NPIPA1: variants seen among roughly 807,000 people sequenced by gnomAD.
NPIPA1 encodes nuclear pore complex interacting protein family member A1.
For missense variants in NPIPA1, 22 were observed against 232.2 expected, an observed-to-expected ratio of 0.09 and a Z score of 5.88; for synonymous variants, 7 against 88.0, an observed-to-expected ratio of 0.08 and a Z score of 5.15.
intron 1 of NPIPA1, among the ~76,000 whole-genome samples, chr16:14,940,821 C>G (rs2151076074): frequency 1.8e-5 from 2 of 112,980 alleles, no homozygotes; most frequent in East Asian, 3.4e-4. Context: ...AATTTGTAAA[C>G]TTTCTTAAAA....
intron 1 of NPIPA1, among the ~76,000 whole-genome samples, chr16:14,940,304 A>G (rs1965717877): frequency 6.8e-6 from 1 of 147,330 alleles, no homozygotes; most frequent in Non-Finnish European, 1.5e-5. Flanking sequence ...AATGACAAAG[A>G]TTCATATAAT....
In NPIPA1 at chr16:14,948,273, T is replaced by C. The variant is rs1262950847; in HGVS notation, c.438-657T>C. ...TGTCACCTATTTTCAGGACATAACATCCTGACTTAGGAGCCATTCCGATCA... is the reference window on the plus strand; with the variant it reads ...TGTCACCTATTTTCAGGACATAACACCCTGACTTAGGAGCCATTCCGATCA... On this transcript the variant is annotated intron_variant, in intron 4 of 7. Coordinates refer to ENST00000328085, the MANE Select transcript of NPIPA1 (RefSeq NM_006985.4). 3.9e-5 allele frequency among the ~76,000 whole-genome samples: 6 copies of C among 152,346 alleles called. 1 individual carries two copies. In the East Asian group the frequency reaches 5.8e-4, roughly 15 times the overall value.
chr16:14,940,321 G>C (rs923060477), intron 1 of NPIPA1, among the ~76,000 whole-genome samples: 1 of 150,610 alleles, frequency 6.6e-6, no homozygotes, highest in African/African-American at 2.4e-5. Flanking sequence ...TAATCCAAGA[G>C]AGAAGTATTA....
At chr16:14,946,429 C>T (rs1307860762) in intron 4 of NPIPA1, among the ~76,000 whole-genome samples, 2,207 of 138,886 alleles carry the variant, frequency 0.016, 7 homozygotes, top group East Asian at 0.068. Context: ...ACCATGTTGT[C>T]CAGACTGGTC....
intron 7 of NPIPA1, chr16:14,950,601 T>G (rs1965989441): frequency 6.6e-7 from 1 of 1,517,158 alleles, no homozygotes; most frequent in Admixed American, 2.1e-5. Context: ...AGCTGGTTCT[T>G]GTGTGGCCTC....
At chr16:14,947,730 C>T (rs1434207483) in intron 4 of NPIPA1, among the ~76,000 whole-genome samples, 1 of 152,242 alleles carries the variant, frequency 6.6e-6, no homozygotes, top group Admixed American at 6.5e-5. Flanking sequence ...CCATTGTTCT[C>T]ATCTGAGATC....
chr16:14,944,323 T>A (rs1307106774), intron 2 of NPIPA1, among the ~76,000 whole-genome samples: 7 of 152,220 alleles, frequency 4.6e-5, no homozygotes, highest in Admixed American at 1.3e-4. Context: ...TTAGTGAGAA[T>A]GTTTTGCATT....
chr16:14,940,133 G>A (rs1739302399), intron 1 of NPIPA1, among the ~76,000 whole-genome samples: 1 of 111,064 alleles, frequency 9.0e-6, no homozygotes, highest in Non-Finnish European at 1.8e-5. Context: ...TGATCTCGCG[G>A]TCCACCCACC....
intron 2 of NPIPA1, among the ~76,000 whole-genome samples, chr16:14,943,571 A>G (rs1965805385): frequency 1.3e-5 from 2 of 148,996 alleles, no homozygotes; most frequent in African/African-American, 4.9e-5. Flanking sequence ...CTAGTCATCT[A>G]TACCATTACC....
At chr16:14,942,864 G>C (rs1418554068) in intron 2 of NPIPA1, among the ~76,000 whole-genome samples, 1 of 152,264 alleles carries the variant, frequency 6.6e-6, no homozygotes, top group Non-Finnish European at 1.5e-5. Flanking sequence ...ATTTTGTCTT[G>C]CCATTCATGA....
intron 2 of NPIPA1, among the ~76,000 whole-genome samples, chr16:14,942,877 G>A (rs1370604976): frequency 3.9e-5 from 6 of 152,242 alleles, no homozygotes; most frequent in Admixed American, 1.3e-4. Context: ...ATTCATGACA[G>A]TAAAAATGTG....
At chr16:14,945,271 A>T (rs1471638199) in intron 2 of NPIPA1, among the ~76,000 whole-genome samples, 4 of 88,790 alleles carry the variant, frequency 4.5e-5, no homozygotes, top group African/African-American at 7.3e-5. Flanking sequence ...TGTGTGTGAG[A>T]CAGAGTCTCA....
chr16:14,951,966 C>G lies in NPIPA1; in HGVS notation c.994C>G (p.Pro332Ala), dbSNP rs1271408403. 1.2e-6 allele frequency: 2 copies of G among 1,604,972 alleles called. No individual in the cohort carries two copies. Among genetic ancestry groups the G allele is most frequent in the East Asian group, 2.3e-5 (1 of 44,306 alleles). The stretch of plus-strand genomic sequence containing the variant: ...AGTGGATGATAATCTCAAGACACCT[C>G]CCGAGTGTGTCTGCTCACTCCCCTT... ...PSVDDNLKTP[P>A]ECVCSLPFHP... is the part of the protein sequence containing the mutation. Residue 332 changes from proline to alanine, a missense_variant, in exon 8 of 8, where the codon CCC becomes GCC. Coordinates refer to ENST00000328085, the MANE Select transcript of NPIPA1 (RefSeq NM_006985.4).
chr16:14,942,876 A>G (rs1254460475), intron 2 of NPIPA1, among the ~76,000 whole-genome samples: 1 of 152,282 alleles, frequency 6.6e-6, no homozygotes, highest in Non-Finnish European at 1.5e-5. Context: ...CATTCATGAC[A>G]GTAAAAATGT....
intron 2 of NPIPA1, among the ~76,000 whole-genome samples, chr16:14,942,728 T>A (rs1965780293): frequency 6.6e-6 from 1 of 152,244 alleles, no homozygotes; most frequent in Admixed American, 6.5e-5. Flanking sequence ...TCAAAGTGCA[T>A]GTTCCCACTT....
In NPIPA1 at chr16:14,939,926, C is replaced by CG. The variant is rs1285601687; in HGVS notation, c.64-1885dup. The stretch of plus-strand genomic sequence containing the variant: ...TTTTTTTTTTTTTGAGACAGAGTCT[C>CG]GCTCTGTCACCCAGGCTGAAGTGCA... On this transcript the variant is annotated intron_variant, in intron 1 of 7. Transcript: ENST00000328085. Among the ~76,000 whole-genome samples, 29 of 35,138 alleles carry CG rather than the reference C, an allele frequency of 8.3e-4. 1 individual carries two copies. The highest frequency in any genetic ancestry group is 1.8e-3 in the African/African-American group (29 of 16,390). The allele number at this position is 35,138 out of a possible 152,430, so 23.1% of individuals were successfully genotyped here.
chr16:14,945,227 G>GTTTTGTGTGTGTGT (rs748459839), intron 2 of NPIPA1, among the ~76,000 whole-genome samples: 3 of 137,812 alleles, frequency 2.2e-5, no homozygotes, highest in African/African-American at 8.3e-5. Flanking sequence ...ATTCTTGTGT[G>GTTTTGTGTGTGTGT]GTGTGTGTGT....
At chr16:14,943,111 G>A (rs1202644499) in intron 2 of NPIPA1, among the ~76,000 whole-genome samples, 9 of 150,862 alleles carry the variant, frequency 6.0e-5, no homozygotes, top group Non-Finnish European at 1.3e-4. Flanking sequence ...ACTTAGTCCT[G>A]AACAGAGAAT....
intron 1 of NPIPA1, among the ~76,000 whole-genome samples, chr16:14,938,825 G>A (rs1175569887): frequency 5.3e-5 from 8 of 151,432 alleles, no homozygotes; most frequent in East Asian, 2.0e-4. Context: ...TGCAACCTCC[G>A]CTTCCGGGGT....
Sources: gnomAD v4.1 joint callset for allele counts (sites outside exome capture counted in the v4.1 genomes callset) on GRCh38, gnomAD v4.1.1 for gene constraint, MANE v1.5 for transcripts, NCBI Gene and HGNC (gene_info 2026-07-23, HGNC 2026-07-21) for gene names.